SPIRE1: variants seen among roughly 807,000 people sequenced by gnomAD.
SPIRE1 encodes protein spire homolog 1.
In SPIRE1, 40 loss-of-function variants were observed where a neutral mutation model predicts 94.1. That is an observed-to-expected ratio of 0.43 (90% CI 0.33 to 0.55). SPIRE1 has a LOEUF of 0.55. SPIRE1 is among the 20% of genes least tolerant of loss of function. SPIRE1 has a pLI of 0.06. For missense variants in SPIRE1, 838 were observed against 975.2 expected (o/e 0.86, Z 1.87); for synonymous variants, 376 against 371.7 (o/e 1.01, Z -0.13).
At chr18:12,466,282 T>C (rs1449267520) in intron 10 of SPIRE1, among the ~76,000 whole-genome samples, 1 of 152,004 alleles carries the variant, frequency 6.6e-6, no homozygotes, top group Non-Finnish European at 1.5e-5. Context: ...TCTATAGATA[T>C]ATATATATTT....
At chr18:12,624,741 A>G (rs2037572958) in intron 2 of SPIRE1, among the ~76,000 whole-genome samples, 1 of 151,174 alleles carries the variant, frequency 6.6e-6, no homozygotes, top group Non-Finnish European at 1.5e-5. Flanking sequence ...AGGCTGAGAC[A>G]GAATTGCTTG....
intron 1 of SPIRE1, among the ~76,000 whole-genome samples, chr18:12,646,662 T>C (rs2038234544): frequency 6.6e-6 from 1 of 152,136 alleles, no homozygotes; most frequent in South Asian, 2.1e-4. Flanking sequence ...TAAAGGAGTA[T>C]ATTAGGTAGG....
At chr18:12,477,887 G>A (rs1320266514) in intron 10 of SPIRE1, among the ~76,000 whole-genome samples, 4 of 152,124 alleles carry the variant, frequency 2.6e-5, no homozygotes, top group African/African-American at 9.7e-5. Flanking sequence ...AGAGGTGTCT[G>A]CAGGCGTGTG....
intron 10 of SPIRE1, among the ~76,000 whole-genome samples, chr18:12,467,206 A>T (rs1173934019): frequency 6.6e-6 from 1 of 152,090 alleles, no homozygotes; most frequent in African/African-American, 2.4e-5. Context: ...TGAACCCGGG[A>T]GGTGGAGGTT....
chr18:12,514,619 CT>C (rs1039587020), intron 4 of SPIRE1, among the ~76,000 whole-genome samples: 8 of 152,126 alleles, frequency 5.3e-5, no homozygotes, highest in African/African-American at 1.9e-4. Flanking sequence ...ACCAAGTCAA[CT>C]TTAGTAAGAG....
intron 2 of SPIRE1, among the ~76,000 whole-genome samples, chr18:12,575,576 C>A (rs1277650059): frequency 2.0e-5 from 3 of 152,158 alleles, no homozygotes; most frequent in Non-Finnish European, 4.4e-5. Flanking sequence ...TCAAGGGATT[C>A]TCCCAAAGTG....
chr18:12,494,003 G>A (rs1458131777), intron 7 of SPIRE1, among the ~76,000 whole-genome samples: 3 of 152,002 alleles, frequency 2.0e-5, no homozygotes, highest in Non-Finnish European at 4.4e-5. Flanking sequence ...CTCCTGTGCT[G>A]AAGTGATCCG....
chr18:12,659,905 AACAG>A (rs1271502161), upstream of SPIRE1, among the ~76,000 whole-genome samples: 6 of 152,340 alleles, frequency 3.9e-5, no homozygotes, highest in African/African-American at 1.4e-4. Context: ...CTTGATTAAA[AACAG>A]ACAAACATTC....
intron 3 of SPIRE1, among the ~76,000 whole-genome samples, chr18:12,545,536 A>G (rs928354008): frequency 2.6e-5 from 4 of 152,214 alleles, no homozygotes; most frequent in African/African-American, 9.6e-5. Flanking sequence ...AGTAAATATC[A>G]TATATAAATA....
chr18:12,522,815 C>A (rs1236015797), intron 4 of SPIRE1, among the ~76,000 whole-genome samples: 1 of 152,140 alleles, frequency 6.6e-6, no homozygotes, highest in Non-Finnish European at 1.5e-5. Flanking sequence ...AAAAAGATTC[C>A]TTTCAAAATA....
chr18:12,569,824 G>A (rs372009026), intron 2 of SPIRE1, among the ~76,000 whole-genome samples: 60 of 152,120 alleles, frequency 3.9e-4, no homozygotes, highest in African/African-American at 1.2e-3. Flanking sequence ...TAAAGTTTTA[G>A]AACTAAATGA....
At chr18:12,562,772 C>T (rs554946420) in intron 2 of SPIRE1, among the ~76,000 whole-genome samples, 2 of 151,466 alleles carry the variant, frequency 1.3e-5, no homozygotes, top group Non-Finnish European at 2.9e-5. Flanking sequence ...TGCCTCCCAA[C>T]GTGCTGGGAT....
chr18:12,591,968 C>CAAAAAA lies in SPIRE1; in HGVS notation c.372+43088_372+43093dup, dbSNP rs35668057. Among the ~76,000 whole-genome samples the CAAAAAA allele has an allele frequency of 7.9e-4, 53 of 67,418 alleles. 1 individual carries two copies. Among genetic ancestry groups the CAAAAAA allele is most frequent in the African/African-American group, 2.5e-3 (43 of 17,504 alleles). The allele number at this position is 67,418 out of a possible 152,430, so 44.2% of individuals were successfully genotyped here. A position where few individuals can be genotyped will look rare whatever the true frequency, so the allele number is the denominator to read the frequency against. On this transcript the variant is annotated intron_variant, in intron 2 of 16. Transcript: ENST00000409402. ...TGGGCGACAGAGCAAGACTCCATCT[C>CAAAAAA]AAAAAAAAAAAAAAAAAAAAAAAAA... is the stretch of plus-strand genomic sequence containing the variant.
chr18:12,549,024 C>G (rs957715811), intron 2 of SPIRE1, among the ~76,000 whole-genome samples: 3 of 152,168 alleles, frequency 2.0e-5, no homozygotes, highest in Non-Finnish European at 2.9e-5. Flanking sequence ...CTTTGTCCAC[C>G]AGCCTGTTCA....
chr18:12,583,574 C>T (rs557479325), intron 2 of SPIRE1, among the ~76,000 whole-genome samples: 2 of 151,978 alleles, frequency 1.3e-5, no homozygotes, highest in South Asian at 4.2e-4. Flanking sequence ...TGCACTCCAG[C>T]CTGGTGACAG....
Position 12,613,107 on chromosome 18 carries a change from T to C in SPIRE1, c.372+21955A>G, listed in dbSNP as rs556693861. On this transcript the variant is annotated intron_variant, in intron 2 of 16. Coordinates refer to ENST00000409402, the MANE Select transcript of SPIRE1 (RefSeq NM_001128626.2). ...TTTATCTGTTGTGTTCACTGATGTA[T>C]CCTATATCCTAGATGAGAGCCTGGA... 8.7e-4 allele frequency among the ~76,000 whole-genome samples: 132 copies of C among 152,314 alleles called. 1 individual carries two copies. In the South Asian group the frequency reaches 0.027, roughly 31 times the overall value.
At chr18:12,646,014 T>G (rs1017265453) in intron 1 of SPIRE1, among the ~76,000 whole-genome samples, 4 of 152,322 alleles carry the variant, frequency 2.6e-5, no homozygotes, top group East Asian at 1.9e-4. Flanking sequence ...TGAGAACTCT[T>G]GGGGCTGCTT....
chr18:12,641,374 CT>C (rs67745102), intron 1 of SPIRE1, among the ~76,000 whole-genome samples: 116 of 143,690 alleles, frequency 8.1e-4, no homozygotes, highest in Non-Finnish European at 8.2e-4. Flanking sequence ...TTCTTTTTTT[CT>C]TTTTTTTTTT....
intron 2 of SPIRE1, among the ~76,000 whole-genome samples, chr18:12,550,551 G>A (rs2035318736): frequency 6.6e-6 from 1 of 152,050 alleles, no homozygotes; most frequent in Non-Finnish European, 1.5e-5. Flanking sequence ...CTGCAGAGAT[G>A]AGGTCTTGCT....
Sources: gnomAD v4.1 joint callset for allele counts (sites outside exome capture counted in the v4.1 genomes callset) on GRCh38, gnomAD v4.1.1 for gene constraint, MANE v1.5 for transcripts, NCBI Gene and HGNC (gene_info 2026-07-23, HGNC 2026-07-21) for gene names.